ZNF362: variants seen among roughly 807,000 people sequenced by gnomAD.
ZNF362 encodes rotund homolog.
In ZNF362, 11 loss-of-function variants were observed where a neutral mutation model predicts 42.9. The ratio of observed to expected loss-of-function variants is 0.26; its 90% CI spans 0.16 to 0.42. ZNF362 has a LOEUF of 0.42. ZNF362 is among the 20% of genes least tolerant of loss of function. The pLI is 1.00. For synonymous variants in ZNF362, 255 were observed against 257.3 expected (o/e 0.99, Z 0.09); for missense variants, 362 against 576.2 (o/e 0.63, Z 3.81).
the ZNF362 span, among the ~76,000 whole-genome samples, chr1:33,214,841 C>G: frequency 6.6e-6 from 1 of 152,088 alleles, no homozygotes; most frequent in Admixed American, 6.5e-5. Flanking sequence ...AAAAGACAGG[C>G]AATAACAAAT....
chr1:33,227,375 A>G, the ZNF362 span, among the ~76,000 whole-genome samples: 1 of 152,108 alleles, frequency 6.6e-6, no homozygotes, highest in Non-Finnish European at 1.5e-5. Context: ...GGCATCTTCT[A>G]CCTGGCTCTC....
chr1:33,280,361 A>G lies in ZNF362; in HGVS notation c.587A>G (p.Lys196Arg). 1 of 1,613,938 alleles carries G rather than the reference A, an allele frequency of 6.2e-7. No individual in the cohort carries two copies. The highest frequency in any genetic ancestry group is 1.3e-5 in the African/African-American group (1 of 75,032). Residue 196 changes from lysine to arginine, a missense_variant, in exon 5 of 9, where the codon AAG (lysine) becomes AGG (arginine). Lys to Arg is a conservative substitution (Grantham distance 26, BLOSUM62 2). Coordinates refer to ENST00000539719, the MANE Select transcript of ZNF362 (RefSeq NM_152493.3). This position sits in a 1 kb window ranked among gnomAD's most constrained non-coding sequence, Gnocchi z 5.6. ...CCCAAGTCCGAACGCGGCCGCAAAA[A>G]GATCAAGGCGGAGAACCCGGGGGGT... ...GPPKSERGRK[K>R]IKAENPGGPP...
chr1:33,207,182 T>G, the ZNF362 span, among the ~76,000 whole-genome samples: 1 of 151,784 alleles, frequency 6.6e-6, no homozygotes, highest in South Asian at 2.1e-4. Flanking sequence ...CTCCCACTTA[T>G]GAGTGAGAAC....
the ZNF362 span, among the ~76,000 whole-genome samples, chr1:33,220,402 C>T: frequency 6.6e-6 from 1 of 152,128 alleles, no homozygotes; most frequent in Non-Finnish European, 1.5e-5. Context: ...TGATTGATCT[C>T]CACTTTAAGA....
the ZNF362 span, among the ~76,000 whole-genome samples, chr1:33,238,368 A>AAATAAAAT: frequency 1.2e-4 from 12 of 103,948 alleles, no homozygotes; most frequent in African/African-American, 2.3e-4. Flanking sequence ...TAAAATAATA[A>AAATAAAAT]AATAAAATAA....
At position 33,276,411 on chromosome 1, in the gene ZNF362, C is replaced by T. The variant is rs1026510996; in HGVS notation, c.166C>T (p.Pro56Ser). The part of the protein sequence containing the change: ...EQLMAEKIRP[P>S]HLPPTSASSQ... ...GCTGATGGCCGAGAAGATCAGGCCG[C>T]CTCACCTGCCGCCCACGTCGGCCTC... Residue 56 changes from proline (P) to serine (S), a missense_variant, in exon 4 of 9, where the codon CCT (proline) becomes TCT (serine). Physicochemically the swap from Pro to Ser is moderately conservative, Grantham distance 74. Around this residue, in one of 3 missense-constraint regions of ZNF362, gnomAD observed 266 missense variants for 365.4 expected, o/e 0.73. Transcript: ENST00000539719. The T allele has an allele frequency of 5.7e-6, 9 of 1,582,312 alleles. No homozygotes were observed. The highest frequency in any genetic ancestry group is 3.3e-4 in the Middle Eastern group (2 of 6,042).
At chr1:33,234,783 C>A in the ZNF362 span, among the ~76,000 whole-genome samples, 2 of 152,194 alleles carry the variant, frequency 1.3e-5, no homozygotes, top group African/African-American at 2.4e-5. Context: ...GTCGGGTCCA[C>A]GTACTCTGAG....
chr1:33,168,398 A>T, the ZNF362 span, among the ~76,000 whole-genome samples: 1 of 135,376 alleles, frequency 7.4e-6, no homozygotes, highest in Non-Finnish European at 1.6e-5. Context: ...TTTTTTTTTT[A>T]AATCCCCAAC....
chr1:33,270,638 C>T (rs370135150), intron 2 of ZNF362, 26 bp downstream of exon 2: 258 of 1,610,126 alleles, frequency 1.6e-4, no homozygotes, highest in Non-Finnish European at 9.8e-5. Flanking sequence ...TTCCAGGTTG[C>T]ACTCTGTCAA....
chr1:33,136,113 C>CCCTTTCCTTCCTTCCTT, the ZNF362 span, among the ~76,000 whole-genome samples: 4 of 103,512 alleles, frequency 3.9e-5, no homozygotes, highest in African/African-American at 1.2e-4. Flanking sequence ...CAGGGGCCAG[C>CCCTTTCCTTCCTTCCTT]CCTTCCTTCC....
intron 4 of ZNF362, among the ~76,000 whole-genome samples, chr1:33,276,891 C>T (rs115320601): frequency 1.2e-4 from 18 of 152,196 alleles, no homozygotes; most frequent in African/African-American, 2.7e-4. Context: ...TTGGAAATCA[C>T]GAGATTCTTT....
intron 1 of ZNF362, among the ~76,000 whole-genome samples, chr1:33,264,839 G>A (rs1645854876): frequency 6.6e-6 from 1 of 152,074 alleles, no homozygotes; most frequent in East Asian, 1.9e-4. Flanking sequence ...ATAGAAGCTT[G>A]GGGGACACAT....
the ZNF362 span, among the ~76,000 whole-genome samples, chr1:33,138,085 G>A: frequency 6.6e-6 from 1 of 152,198 alleles, no homozygotes; most frequent in African/African-American, 2.4e-5. Flanking sequence ...AGGTGGAGGA[G>A]GCAAGTGCTC....
chr1:33,205,005 A>G, the ZNF362 span, among the ~76,000 whole-genome samples: 4 of 152,192 alleles, frequency 2.6e-5, no homozygotes, highest in Non-Finnish European at 5.9e-5. Context: ...GCTGAGAGAA[A>G]TTAAAGACTC....
chr1:33,268,180 A>G (rs1485608986), intron 1 of ZNF362, among the ~76,000 whole-genome samples: 1 of 152,148 alleles, frequency 6.6e-6, no homozygotes, highest in Non-Finnish European at 1.5e-5. Flanking sequence ...TGGGTCAATT[A>G]GGAAGACAGG....
intron 1 of ZNF362, among the ~76,000 whole-genome samples, chr1:33,263,528 A>T (rs1645843961): frequency 6.6e-6 from 1 of 151,766 alleles, no homozygotes; most frequent in Admixed American, 6.6e-5. Context: ...CTCCTGCCTC[A>T]GCCTCCAGAG....
intron 6 of ZNF362, among the ~76,000 whole-genome samples, chr1:33,291,208 T>G (rs1227129019): frequency 2.0e-5 from 3 of 152,180 alleles, no homozygotes; most frequent in African/African-American, 7.2e-5. Context: ...GTCTAACATT[T>G]AAGTCTTTAA....
In ZNF362 at chr1:33,287,322, A is replaced by G. The variant is rs147207146; in HGVS notation, c.908+5511A>G. On this transcript the variant is annotated intron_variant, in intron 6 of 8. Coordinates refer to ENST00000539719, the MANE Select transcript of ZNF362 (RefSeq NM_152493.3). ...GGGCAACATGTTGAGACCCATCTCT[A>G]CAGAAAATTAAAAAGTTAGCCGAGT... Among the ~76,000 whole-genome samples, 1,262 of 152,288 alleles carry G rather than the reference A, an allele frequency of 8.3e-3. 20 individuals carry two copies. The highest frequency in any genetic ancestry group is 0.028 in the African/African-American group (1,177 of 41,560).
the ZNF362 span, among the ~76,000 whole-genome samples, chr1:33,177,039 GCA>G: frequency 1.7e-5 from 1 of 58,784 alleles, no homozygotes; most frequent in Non-Finnish European, 3.4e-5. The surrounding 1 kb of genome is among the most constrained non-coding windows in gnomAD (Gnocchi z 4.1). Context: ...ACATACACAT[GCA>G]CACACACACG....
Sources: gnomAD v4.1 joint callset for allele counts (sites outside exome capture counted in the v4.1 genomes callset) on GRCh38, gnomAD v4.1.1 for gene constraint, gnomAD v4.1.1 regional missense constraint, Gnocchi (gnomAD v3.1) non-coding constraint, MANE v1.5 for transcripts, NCBI Gene and HGNC (gene_info 2026-07-23, HGNC 2026-07-21) for gene names.